Variants in UNC5C observed in about 807,000 individuals in gnomAD.
The protein encoded by UNC5C is netrin receptor UNC5C.
Under a neutral mutation model 99.8 loss-of-function variants are expected in UNC5C, and 47 were observed. The ratio of observed to expected loss-of-function variants is 0.47; its 90% CI spans 0.37 to 0.60. The LOEUF is 0.60. Ranked by LOEUF, UNC5C falls within the 20% of genes least tolerant of loss-of-function variation. The pLI, the probability that UNC5C is intolerant of heterozygous loss-of-function variation, is 0.00. For missense variants in UNC5C, 1,062 were observed against 1,165.9 expected (o/e 0.91, Z 1.30); for synonymous variants, 487 against 452.2 (o/e 1.08, Z -0.98).
At chr4:95,472,381 C>G (rs1056364760) in intron 1 of UNC5C, among the ~76,000 whole-genome samples, 1 of 152,072 alleles carries the variant, frequency 6.6e-6, no homozygotes, top group African/African-American at 2.4e-5. Context: ...GCCACTATCT[C>G]CCAGGTATGA....
At position 95,202,792 on chromosome 4, in the gene UNC5C, C is replaced by A; in HGVS notation, c.2075G>T (p.Cys692Phe). 2 of 1,614,246 alleles carry A rather than the reference C, an allele frequency of 1.2e-6. No homozygotes were observed. Among genetic ancestry groups the A allele is most frequent in the Non-Finnish European group, 1.7e-6 (2 of 1,180,056 alleles). Residue 692 changes from cysteine (C) to phenylalanine (F), a missense_variant, in exon 12 of 16, where the codon TGC (cysteine) becomes TTC (phenylalanine). This residue lies in a region of UNC5C where 810 missense variants were observed against 854.5 expected (regional missense o/e 0.95). Coordinates refer to ENST00000453304, the MANE Select transcript of UNC5C (RefSeq NM_003728.4). ...LKLAIFGPLC[C>F]SSLEYSIRVY... ...TCGGATGCTGTACTCCAGCGAGGAG[C>A]AGCACAGGGGCCCAAAGATGGCCAG...
Position 95,355,518 on chromosome 4 carries a change from G to A in UNC5C, c.125-19887C>T, listed in dbSNP as rs150832016. Among the ~76,000 whole-genome samples, 9 of 152,086 alleles carry A rather than the reference G, an allele frequency of 5.9e-5. No individual in the cohort carries two copies. In the East Asian group the frequency reaches 1.7e-3, roughly 30 times the overall value. On this transcript the variant is annotated intron_variant, in intron 1 of 15. Coordinates refer to ENST00000453304, the MANE Select transcript of UNC5C (RefSeq NM_003728.4). ...TGGGCCCTTCCAGCATGGGGTTGTT[G>A]CCATCTCCCCCTGCTACCAGTGCAC...
In UNC5C at chr4:95,165,277, T is replaced by G. The variant is rs1335933981; in HGVS notation, c.*3957A>C. 6.6e-6 allele frequency: 1 copy of G among 152,236 alleles called. No individual in the cohort carries two copies. Among genetic ancestry groups the G allele is most frequent in the East Asian group, 1.9e-4 (1 of 5,202 alleles). The allele number at this position is 152,236 out of a possible 1,614,324, so 9.4% of individuals were successfully genotyped here. Reference sequence around the variant, plus strand: ...TCCTGAAAATCGCTCTACTTTTTGATAGTTGAGAGACTTAAATCTATAAAA... The same window carrying G: ...TCCTGAAAATCGCTCTACTTTTTGAGAGTTGAGAGACTTAAATCTATAAAA... On this transcript the variant is annotated 3_prime_UTR_variant, in exon 16 of 16. Coordinates refer to ENST00000453304, the MANE Select transcript of UNC5C (RefSeq NM_003728.4).
chr4:95,213,553 A>G (rs1467261799), intron 10 of UNC5C, among the ~76,000 whole-genome samples: 2 of 152,234 alleles, frequency 1.3e-5, no homozygotes, highest in East Asian at 1.9e-4. Context: ...TTCAGCAATG[A>G]TAAGACCCCT....
In UNC5C at chr4:95,532,670, T is replaced by C. The variant is rs1212342070; in HGVS notation, c.124+16064A>G. ...AATCTGAGGAATTAACACTTGTTCA[T>C]AGCAAATGAAAGAGCTTAAGCGAAA... is the stretch of plus-strand genomic sequence containing the variant. On this transcript the variant is annotated intron_variant, in intron 1 of 15. Transcript: ENST00000453304. 3.3e-5 allele frequency among the ~76,000 whole-genome samples: 5 copies of C among 152,112 alleles called. No individual in the cohort carries two copies. The South Asian group carries it at 8.3e-4, about 25-fold the overall frequency.
chr4:95,451,568 A>G (rs1413164793), intron 1 of UNC5C, among the ~76,000 whole-genome samples: 1 of 152,246 alleles, frequency 6.6e-6, no homozygotes, highest in African/African-American at 2.4e-5. Context: ...AAATAAAAAC[A>G]TATCCTAACA....
At chr4:95,394,952 C>A (rs747870563) in intron 1 of UNC5C, among the ~76,000 whole-genome samples, 2 of 152,134 alleles carry the variant, frequency 1.3e-5, no homozygotes, top group African/African-American at 2.4e-5. Flanking sequence ...CAAACTGAAT[C>A]AAAAATTCCT....
chr4:95,324,424 A>G (rs1043270155), intron 2 of UNC5C, among the ~76,000 whole-genome samples: 1 of 152,176 alleles, frequency 6.6e-6, no homozygotes, highest in Admixed American at 6.5e-5. Flanking sequence ...TAATCATGCC[A>G]TTATATATTA....
chr4:95,274,146 G>A (rs1230280718), intron 4 of UNC5C, among the ~76,000 whole-genome samples: 2 of 152,074 alleles, frequency 1.3e-5, no homozygotes, highest in Admixed American at 6.6e-5. Flanking sequence ...CAATACAATC[G>A]GTAGGCAGAG....
chr4:95,369,596 C>T (rs1744685712), intron 1 of UNC5C, among the ~76,000 whole-genome samples: 1 of 152,020 alleles, frequency 6.6e-6, no homozygotes, highest in East Asian at 1.9e-4. Context: ...TCCAAGTGTA[C>T]TAAAAAGTTT....
At chr4:95,352,205 G>C (rs1305888014) in intron 1 of UNC5C, among the ~76,000 whole-genome samples, 2 of 152,052 alleles carry the variant, frequency 1.3e-5, no homozygotes, top group Non-Finnish European at 2.9e-5. Context: ...GAACTCCCCT[G>C]ATCTGATTGC....
intron 1 of UNC5C, among the ~76,000 whole-genome samples, chr4:95,354,868 G>A (rs531493264): frequency 1.4e-4 from 22 of 151,980 alleles, no homozygotes; most frequent in African/African-American, 3.6e-4. Context: ...TCTCCCACCC[G>A]TATCTTCAAC....
chr4:95,505,596 T>C (rs1356571686), intron 1 of UNC5C, among the ~76,000 whole-genome samples: 2 of 152,082 alleles, frequency 1.3e-5, no homozygotes, highest in African/African-American at 4.8e-5. Flanking sequence ...GGTCTGATCA[T>C]TATTTTGAAA....
chr4:95,422,386 G>T (rs1364912509), intron 1 of UNC5C, among the ~76,000 whole-genome samples: 2 of 152,078 alleles, frequency 1.3e-5, no homozygotes, highest in African/African-American at 4.8e-5. Context: ...AAAACCTTAA[G>T]GCAGAGGGCT....
At chr4:95,497,033 T>A (rs1721648600) in intron 1 of UNC5C, among the ~76,000 whole-genome samples, 1 of 152,008 alleles carries the variant, frequency 6.6e-6, no homozygotes, top group Non-Finnish European at 1.5e-5. Context: ...GGCTGAGTAG[T>A]ATTCCATGGT....
intron 4 of UNC5C, among the ~76,000 whole-genome samples, chr4:95,263,700 C>A (rs1395538354): frequency 1.3e-5 from 2 of 152,198 alleles, no homozygotes; most frequent in African/African-American, 4.8e-5. Flanking sequence ...TAAAATCACT[C>A]AACCTTATTT....
At chr4:95,386,242 A>G (rs1009074026) in intron 1 of UNC5C, among the ~76,000 whole-genome samples, 7 of 151,850 alleles carry the variant, frequency 4.6e-5, no homozygotes, top group African/African-American at 1.7e-4. Context: ...TTATACTTTA[A>G]GTTTTAGGGT....
rs1006246455 is a variant in UNC5C at position 95,216,018 on chromosome 4, G to A, written c.1733+106C>T. The A allele has an allele frequency of 2.9e-5, 24 of 838,472 alleles. No homozygotes were observed. In the Admixed American group the frequency reaches 4.9e-4, roughly 17 times the overall value. 51.9% of individuals were successfully genotyped at this position (838,472 alleles called of 1,614,324 possible). ...AAGGGAAAAAGAATGTATGCCAGAAGCAAGGCACTTGAGACAAAAATATGT... is the reference window on the plus strand; with the variant it reads ...AAGGGAAAAAGAATGTATGCCAGAAACAAGGCACTTGAGACAAAAATATGT... On this transcript the variant is annotated intron_variant, in intron 10 of 15. Transcript: ENST00000453304.
At chr4:95,397,421 GA>G (rs1186231523) in intron 1 of UNC5C, among the ~76,000 whole-genome samples, 1 of 152,100 alleles carries the variant, frequency 6.6e-6, no homozygotes, top group African/African-American at 2.4e-5. Flanking sequence ...TAACATTAAA[GA>G]AAAGTTAGTA....
Sources: allele counts gnomAD v4.1 joint callset (sites outside exome capture counted in the v4.1 genomes callset), GRCh38; gene constraint gnomAD v4.1.1; regional missense constraint gnomAD v4.1.1; transcripts MANE v1.5; gene names NCBI Gene and HGNC (gene_info 2026-07-23, HGNC 2026-07-21).